The following NRIP1 variants were observed in gnomAD, a reference collection of about 807,000 sequenced individuals.
The protein encoded by NRIP1 is nuclear receptor interacting protein 1, also known as nuclear receptor-interacting protein 1.
In NRIP1, 28 loss-of-function variants were observed where a neutral mutation model predicts 75.0. The ratio of observed to expected loss-of-function variants is 0.37; its 90% CI spans 0.28 to 0.51. The LOEUF is 0.51. Ranked by LOEUF, NRIP1 falls within the 20% of genes least tolerant of loss-of-function variation. The pLI is 0.92. For synonymous variants in NRIP1, 526 were observed against 487.6 expected, an observed-to-expected ratio of 1.08 and a Z score of -1.04; for missense variants, 1,435 against 1,343.7, an observed-to-expected ratio of 1.07 and a Z score of -1.06.
At chr21:15,009,779 TAATTA>T (rs1321389193) in intron 3 of NRIP1, among the ~76,000 whole-genome samples, 1 of 152,216 alleles carries the variant, frequency 6.6e-6, no homozygotes, top group Non-Finnish European at 1.5e-5. Context: ...ATAAAAGTTA[TAATTA>T]AATTTAATGA....
chr21:15,051,925 C>T (rs2089209955), intron 1 of NRIP1: 1 of 152,242 alleles, frequency 6.6e-6, no homozygotes, highest in African/African-American at 2.4e-5. Context: ...ACACTCCTGC[C>T]ACTCCTGCTC....
At chr21:14,971,572 G>A (rs2086903405) in intron 3 of NRIP1, 2 of 152,098 alleles carry the variant, frequency 1.3e-5, no homozygotes, top group Non-Finnish European at 2.9e-5. Context: ...CAGGCAAGGT[G>A]AACATCCACC....
intron 2 of NRIP1, among the ~76,000 whole-genome samples, chr21:15,025,126 G>A (rs1441557242): frequency 1.3e-5 from 2 of 152,120 alleles, no homozygotes; most frequent in Non-Finnish European, 2.9e-5. Flanking sequence ...TGTAGAAATC[G>A]ATGTGGGGTG....
intron 3 of NRIP1, among the ~76,000 whole-genome samples, chr21:14,986,040 CTATT>C (rs1230083922): frequency 1.3e-5 from 2 of 152,070 alleles, no homozygotes; most frequent in Non-Finnish European, 2.9e-5. Context: ...CACAATTAAA[CTATT>C]TCTCTGTGCC....
intron 1 of NRIP1, among the ~76,000 whole-genome samples, chr21:15,044,669 C>G (rs2089032070): frequency 6.6e-6 from 1 of 152,168 alleles, no homozygotes; most frequent in African/African-American, 2.4e-5. Context: ...AACCTGAATT[C>G]TAACCTCCCA....
intron 1 of NRIP1, among the ~76,000 whole-genome samples, chr21:15,047,619 G>T (rs959940727): frequency 1.3e-5 from 2 of 152,070 alleles, no homozygotes; most frequent in African/African-American, 4.8e-5. Flanking sequence ...ACAGCATGGG[G>T]GTAACTGCCT....
Position 14,966,137 on chromosome 21 carries a change from C to T in NRIP1, c.2056G>A (p.Ala686Thr), listed in dbSNP as rs2086731653. The stretch of plus-strand genomic sequence containing the variant: ...GGACCTGTTGGTTGACTACTAAATG[C>T]TTTATTTTCTTCAACTGCATTTGTT... The part of the protein sequence containing the change: ...NKTNAVEENK[A>T]FSSQPTGPEP... The change falls in exon 4 of 4, where the codon GCA becomes ACA. Residue 686 changes from alanine to threonine, a missense_variant. Coordinates refer to ENST00000318948, the MANE Select transcript of NRIP1 (RefSeq NM_003489.4). 7 of 1,612,886 alleles carry T rather than the reference C, an allele frequency of 4.3e-6. No individual in the cohort carries two copies. The highest frequency in any genetic ancestry group is 5.1e-6 in the Non-Finnish European group (6 of 1,179,934).
chr21:14,985,131 T>C lies in NRIP1; in HGVS notation c.-334-16605A>G, dbSNP rs187499418. On this transcript the variant is annotated intron_variant, in intron 3 of 3. Coordinates refer to ENST00000318948, the MANE Select transcript of NRIP1 (RefSeq NM_003489.4). Reference sequence around the variant, plus strand: ...TCCCCATGAGAGTATAAACTCCTTATGGGCAAGAATTATGTCTTTTTCATC... The same window carrying C: ...TCCCCATGAGAGTATAAACTCCTTACGGGCAAGAATTATGTCTTTTTCATC... 1.2e-4 allele frequency among the ~76,000 whole-genome samples: 18 copies of C among 152,340 alleles called. No homozygotes were observed. In the East Asian group the frequency reaches 2.9e-3, roughly 24 times the overall value.
Position 14,967,920 on chromosome 21 carries a change from C to T in NRIP1, c.273G>A (p.Glu91=). 1 of 1,614,140 alleles carries T rather than the reference C, an allele frequency of 6.2e-7. No homozygotes were observed. Among genetic ancestry groups the T allele is most frequent in the Non-Finnish European group, 8.5e-7 (1 of 1,180,024 alleles). Residue 91 remains glutamate, a synonymous_variant, in exon 4 of 4, where the codon GAG becomes GAA. Coordinates refer to ENST00000318948, the MANE Select transcript of NRIP1 (RefSeq NM_003489.4). Reference sequence around the variant, plus strand: ...TCTTCCGCTTTGCTGCATTCCAGTCCTCAGAAGACTGCAACAGTCTGGCTT... The same window carrying T: ...TCTTCCGCTTTGCTGCATTCCAGTCTTCAGAAGACTGCAACAGTCTGGCTT... ...LKKARLLQSS[E]DWNAAKRKRL...
At chr21:14,996,693 T>C (rs915882356) in intron 3 of NRIP1, among the ~76,000 whole-genome samples, 3 of 152,164 alleles carry the variant, frequency 2.0e-5, no homozygotes, top group African/African-American at 7.2e-5. Context: ...CCACTTTTAT[T>C]CTGTTCACCA....
chr21:15,021,115 G>A (rs1274339683), intron 2 of NRIP1, among the ~76,000 whole-genome samples: 3 of 152,096 alleles, frequency 2.0e-5, no homozygotes, highest in African/African-American at 4.8e-5. Context: ...TCTACAAATG[G>A]TGATATCAGC....
intron 1 of NRIP1, among the ~76,000 whole-genome samples, chr21:15,056,536 A>C (rs1301338997): frequency 6.6e-6 from 1 of 152,170 alleles, no homozygotes; most frequent in Non-Finnish European, 1.5e-5. Flanking sequence ...GGATCAGTTA[A>C]GGAAATAATA....
At chr21:15,012,753 CTTTT>C (rs1007267047) in intron 3 of NRIP1, among the ~76,000 whole-genome samples, 3 of 150,854 alleles carry the variant, frequency 2.0e-5, no homozygotes, top group African/African-American at 7.3e-5. Flanking sequence ...GCCTGGCTGT[CTTTT>C]TTTTTAATCT....
At position 14,963,563 on chromosome 21, in the gene NRIP1, A is replaced by G. The variant is rs1409564232; in HGVS notation, c.*1153T>C. 2.6e-5 allele frequency: 4 copies of G among 152,508 alleles called. No individual in the cohort carries two copies. The highest frequency in any genetic ancestry group is 4.8e-5 in the African/African-American group (2 of 41,446). 9.4% of individuals were successfully genotyped at this position (152,508 alleles called of 1,614,324 possible). On this transcript the variant is annotated 3_prime_UTR_variant, in exon 4 of 4. Coordinates refer to ENST00000318948, the MANE Select transcript of NRIP1 (RefSeq NM_003489.4). ...GTATTGGGGAAAATAGAGGCATCAC[A>G]TAGTTTTTTGTTTTTGTTTTACAGT...
chr21:15,040,084 TCTAATACAGCAATCA>T (rs2088920523), intron 2 of NRIP1, among the ~76,000 whole-genome samples: 1 of 152,108 alleles, frequency 6.6e-6, no homozygotes, highest in African/African-American at 2.4e-5. Flanking sequence ...AGCTGTGCTG[TCTAATACAGCAATCA>T]CTAGACACAT....
intron 1 of NRIP1, among the ~76,000 whole-genome samples, chr21:15,055,376 G>A (rs1341498228): frequency 1.3e-5 from 2 of 152,234 alleles, no homozygotes; most frequent in South Asian, 2.1e-4. Context: ...CCAAATGTAC[G>A]TAACATGTAA....
chr21:14,999,006 G>C (rs1054460241), intron 3 of NRIP1, among the ~76,000 whole-genome samples: 4 of 152,048 alleles, frequency 2.6e-5, no homozygotes, highest in African/African-American at 9.7e-5. Flanking sequence ...GTGAACTCTC[G>C]TAGAAAGAGA....
chr21:15,042,717 C>T (rs2088985129), intron 2 of NRIP1, among the ~76,000 whole-genome samples: 2 of 152,190 alleles, frequency 1.3e-5, no homozygotes, highest in Admixed American at 1.3e-4. Flanking sequence ...CTGCTGGCAC[C>T]TTGGTCTTGG....
At chr21:14,989,642 A>T (rs889192204) in intron 3 of NRIP1, among the ~76,000 whole-genome samples, 3 of 152,202 alleles carry the variant, frequency 2.0e-5, no homozygotes, top group Admixed American at 2.0e-4. Flanking sequence ...ACTGATGTTG[A>T]AGAACTTTAC....
Sources: gnomAD v4.1 joint callset for allele counts (sites outside exome capture counted in the v4.1 genomes callset) on GRCh38, gnomAD v4.1.1 for gene constraint, MANE v1.5 for transcripts, NCBI Gene and HGNC (gene_info 2026-07-23, HGNC 2026-07-21) for gene names.